Variants in GPHN observed in about 807,000 individuals in gnomAD.
GPHN encodes gephyrin.
A neutral mutation model predicts 95.5 loss-of-function variants in GPHN; 17 were observed. The ratio of observed to expected loss-of-function variants is 0.18; its 90% CI spans 0.12 to 0.27. The LOEUF (loss-of-function observed/expected upper bound fraction) is 0.27, where lower values mean the gene tolerates loss of function less well. Among genes scored for constraint, GPHN ranks in the 10% least tolerant of loss-of-function variants. The pLI is 1.00. For missense variants in GPHN, 660 were observed against 978.1 expected (o/e 0.67, Z 4.34); for synonymous variants, 320 against 322.5 (o/e 0.99, Z 0.08).
At chr14:67,079,486 T>A (rs2076610875) in intron 11 of GPHN, among the ~76,000 whole-genome samples, 1 of 152,124 alleles carries the variant, frequency 6.6e-6, no homozygotes, top group Non-Finnish European at 1.5e-5. Flanking sequence ...ATTTGCCTAT[T>A]TGGGACATTT....
intron 10 of GPHN, among the ~76,000 whole-genome samples, chr14:67,026,541 G>A (rs1383905508): frequency 6.6e-6 from 1 of 152,200 alleles, no homozygotes; most frequent in Non-Finnish European, 1.5e-5. Flanking sequence ...GGAAATTAAA[G>A]ATTCCAGAGT....
chr14:66,763,886 A>G (rs2058856840), intron 2 of GPHN, among the ~76,000 whole-genome samples: 1 of 152,116 alleles, frequency 6.6e-6, no homozygotes. Context: ...AGATTCTCAT[A>G]GAAGCACAAA....
intron 5 of GPHN, among the ~76,000 whole-genome samples, chr14:66,911,849 T>C (rs1020141581): frequency 1.3e-5 from 2 of 152,002 alleles, no homozygotes; most frequent in Non-Finnish European, 2.9e-5. Flanking sequence ...AAGGTAACTA[T>C]CCCATTATAT....
intron 11 of GPHN, among the ~76,000 whole-genome samples, chr14:67,073,664 C>A (rs1381904400): frequency 2.6e-5 from 4 of 152,098 alleles, no homozygotes; most frequent in Non-Finnish European, 4.4e-5. Flanking sequence ...TCTTTTTGTA[C>A]CACTAAATCA....
chr14:67,216,063 G>A, the GPHN span, among the ~76,000 whole-genome samples: 1 of 151,898 alleles, frequency 6.6e-6, no homozygotes, highest in Non-Finnish European at 1.5e-5. Context: ...TTCCACACAC[G>A]CCTCCCACCG....
At chr14:67,556,901 G>A in the GPHN span, among the ~76,000 whole-genome samples, 8 of 152,082 alleles carry the variant, frequency 5.3e-5, no homozygotes, top group African/African-American at 1.4e-4. Context: ...TCTCTACCAC[G>A]GTGGGGTTGG....
At chr14:67,677,433 C>T in the GPHN span, 1 of 115,326 alleles carries the variant, frequency 8.7e-6, no homozygotes, top group Admixed American at 1.2e-4. Flanking sequence ...GTCCTGGGTG[C>T]TTGCCCTCAA....
chr14:66,929,759 C>T (rs1384727472), intron 8 of GPHN, among the ~76,000 whole-genome samples: 5 of 151,308 alleles, frequency 3.3e-5, no homozygotes, highest in African/African-American at 1.2e-4. Flanking sequence ...TCGCCCAGGC[C>T]GGACTGCAGT....
the GPHN span, chr14:67,334,963 A>C: frequency 6.6e-6 from 1 of 152,184 alleles, no homozygotes; most frequent in Non-Finnish European, 1.5e-5. Flanking sequence ...AGTTAGAGTG[A>C]GGGTGTAGGT....
rs77567204 is a variant in GPHN at position 66,684,353 on chromosome 14, C to G, written c.143+3168C>G. On this transcript the variant is annotated intron_variant, in intron 2 of 22. Transcript: ENST00000478722. ...TATATGTCTTAATTGGATAAATGAG[C>G]AGATACAGAATTTCTGTGGACAAAG... Among the ~76,000 whole-genome samples, 195 of 152,148 alleles carry G rather than the reference C, an allele frequency of 1.3e-3. 4 individuals carry two copies. The East Asian group carries it at 0.035, about 27-fold the overall frequency.
the GPHN span, among the ~76,000 whole-genome samples, chr14:67,511,354 C>A: frequency 1.3e-5 from 2 of 151,102 alleles, no homozygotes; most frequent in African/African-American, 4.9e-5. Context: ...TTTAAAAAAA[C>A]AAAAAAACAA....
intron 2 of GPHN, among the ~76,000 whole-genome samples, chr14:66,738,420 T>C (rs1324264600): frequency 6.6e-6 from 1 of 152,212 alleles, no homozygotes; most frequent in Non-Finnish European, 1.5e-5. Context: ...CAAATATTTA[T>C]CCTTTTGAGC....
chr14:66,681,250 A>G lies in GPHN; in HGVS notation c.143+65A>G, dbSNP rs554717937. 1.8e-5 allele frequency: 18 copies of G among 1,014,406 alleles called. No homozygotes were observed. The Middle Eastern group carries it at 2.2e-3, about 121-fold the overall frequency. 62.8% of individuals were successfully genotyped at this position (1,014,406 alleles called of 1,614,324 possible). A position where few individuals can be genotyped will look rare whatever the true frequency, so the allele number is the denominator to read the frequency against. ...TTTATTATTAGTGTTCCTTTTCTCA[A>G]AAGAGTTTTATGTGAAAACTTATTT... On this transcript the variant is annotated intron_variant, in intron 2 of 22. Transcript: ENST00000478722.
the GPHN span, among the ~76,000 whole-genome samples, chr14:67,606,310 T>C: frequency 2.5e-4 from 38 of 152,232 alleles, no homozygotes; most frequent in Admixed American, 3.3e-4. Flanking sequence ...TAGAGCTTAA[T>C]ATTTTCAACT....
chr14:67,691,070 A>G, the GPHN span: 5 of 992,004 alleles, frequency 5.0e-6, no homozygotes, highest in African/African-American at 6.4e-5. Context: ...AGAAGCCTCA[A>G]TCTGACCCCT....
chr14:66,944,178 G>A (rs898361942), intron 8 of GPHN, among the ~76,000 whole-genome samples: 3 of 152,090 alleles, frequency 2.0e-5, no homozygotes, highest in East Asian at 1.9e-4. Context: ...CTTACTACCC[G>A]ACTTTAGCGA....
chr14:67,047,532 A>AT (rs547373586), intron 10 of GPHN, among the ~76,000 whole-genome samples: 115 of 151,688 alleles, frequency 7.6e-4, no homozygotes, highest in African/African-American at 2.7e-3. Context: ...TGCATGACTA[A>AT]TTTTTTGTAT....
intron 1 of GPHN, among the ~76,000 whole-genome samples, chr14:66,587,088 A>G (rs2061452802): frequency 1.3e-5 from 2 of 151,432 alleles, no homozygotes; most frequent in Admixed American, 1.3e-4. Flanking sequence ...TACAGATGAC[A>G]AGAGACTACT....
rs142986980 is a variant in GPHN at position 67,103,187 on chromosome 14, G to A, written c.1293+2276G>A. ...GACTCTGTGTGGGGGCTCCAACCAC[G>A]CTGGGTTCTCTATTCTGATCCATTG... On this transcript the variant is annotated intron_variant, in intron 13 of 22. Coordinates refer to ENST00000478722, the MANE Select transcript of GPHN (RefSeq NM_020806.5). 1.3e-3 allele frequency among the ~76,000 whole-genome samples: 195 copies of A among 152,156 alleles called. 1 individual carries two copies. The highest frequency in any genetic ancestry group is 2.4e-3 in the Admixed American group (37 of 15,282).
Sources: gnomAD v4.1 joint callset for allele counts (sites outside exome capture counted in the v4.1 genomes callset) on GRCh38, gnomAD v4.1.1 for gene constraint, MANE v1.5 for transcripts, NCBI Gene and HGNC (gene_info 2026-07-23, HGNC 2026-07-21) for gene names.